The following HPSE2 variants were observed in gnomAD, a reference collection of about 807,000 sequenced individuals.
HPSE2 encodes the protein inactive heparanase-2.
In HPSE2, 38 loss-of-function variants were observed where a neutral mutation model predicts 60.5. The observed-to-expected ratio is 0.63, with a 90% CI of 0.48 to 0.82. HPSE2 has a LOEUF of 0.82. Among genes scored for constraint, HPSE2 ranks in the 40% least tolerant of loss-of-function variants. The pLI is 0.00. For synonymous variants in HPSE2, 295 were observed against 293.2 expected (o/e 1.01, Z -0.06); for missense variants, 713 against 740.4 (o/e 0.96, Z 0.43).
intron 3 of HPSE2, among the ~76,000 whole-genome samples, chr10:98,810,689 C>T (rs1298147684): frequency 6.6e-6 from 1 of 151,810 alleles, no homozygotes; most frequent in Non-Finnish European, 1.5e-5. Flanking sequence ...CCCTGGGCCA[C>T]ACTGGAAGAA....
chr10:99,166,926 T>G (rs1004725073), intron 2 of HPSE2, among the ~76,000 whole-genome samples: 1 of 152,208 alleles, frequency 6.6e-6, no homozygotes, highest in African/African-American at 2.4e-5. Context: ...CAAAATTTTT[T>G]AAATGTTGAC....
chr10:98,895,931 G>A (rs1289853750), intron 3 of HPSE2, among the ~76,000 whole-genome samples: 1 of 105,594 alleles, frequency 9.5e-6, no homozygotes, highest in Non-Finnish European at 1.8e-5. Context: ...TCTGGGGACT[G>A]TTGTGGGGTG....
intron 3 of HPSE2, among the ~76,000 whole-genome samples, chr10:98,990,861 C>G (rs756977319): frequency 1.3e-5 from 2 of 152,158 alleles, no homozygotes; most frequent in Non-Finnish European, 2.9e-5. Flanking sequence ...TTCACATTAC[C>G]TACACATACA....
chr10:99,099,285 C>T (rs974334655), intron 3 of HPSE2, among the ~76,000 whole-genome samples: 5 of 152,238 alleles, frequency 3.3e-5, no homozygotes, highest in African/African-American at 9.6e-5. Context: ...AATCAGGTCA[C>T]TCCCACTCTA....
intron 3 of HPSE2, among the ~76,000 whole-genome samples, chr10:98,847,861 T>G (rs1378051805): frequency 6.6e-6 from 1 of 152,206 alleles, no homozygotes; most frequent in Non-Finnish European, 1.5e-5. Flanking sequence ...CCCTTTACTA[T>G]TTGTGGAAAA....
intron 3 of HPSE2, among the ~76,000 whole-genome samples, chr10:99,036,334 G>A (rs1481533682): frequency 6.6e-6 from 1 of 152,164 alleles, no homozygotes; most frequent in African/African-American, 2.4e-5. Context: ...ATATAGATGA[G>A]CCTGGAGCAT....
chr10:99,151,679 T>C (rs1846269356), intron 2 of HPSE2, among the ~76,000 whole-genome samples: 1 of 152,050 alleles, frequency 6.6e-6, no homozygotes, highest in Non-Finnish European at 1.5e-5. Flanking sequence ...TTTGAAACAA[T>C]GGAGACTAGA....
intron 9 of HPSE2, among the ~76,000 whole-genome samples, chr10:98,573,510 G>A (rs1407017195): frequency 6.6e-5 from 10 of 152,192 alleles, no homozygotes; most frequent in African/African-American, 2.4e-4. Flanking sequence ...AGAATGAAGA[G>A]AACATTTGTT....
chr10:99,236,729 T>G (rs1415495090), upstream of HPSE2, among the ~76,000 whole-genome samples: 1 of 152,100 alleles, frequency 6.6e-6, no homozygotes, highest in Non-Finnish European at 1.5e-5. Flanking sequence ...GCTCTGCTCT[T>G]CCCGCAACCG....
At chr10:99,119,013 GAAAGAAAGAAAGGA>G (rs1272466659) in intron 3 of HPSE2, among the ~76,000 whole-genome samples, 3 of 140,806 alleles carry the variant, frequency 2.1e-5, no homozygotes, top group Non-Finnish European at 3.1e-5. Flanking sequence ...AAAATGAAAA[GAAAGAAAGAAAGGA>G]AAAGAAAGAA....
chr10:99,167,963 T>C (rs1014165601), intron 2 of HPSE2, among the ~76,000 whole-genome samples: 1 of 151,984 alleles, frequency 6.6e-6, no homozygotes, highest in Non-Finnish European at 1.5e-5. Flanking sequence ...ATATTCGTTA[T>C]ACATTTTATT....
At chr10:99,175,330 G>A (rs1266374767) in intron 2 of HPSE2, among the ~76,000 whole-genome samples, 1 of 152,136 alleles carries the variant, frequency 6.6e-6, no homozygotes. Flanking sequence ...CTAGCTCAGT[G>A]GATCCCACCC....
At chr10:98,903,652 T>C (rs983952590) in intron 3 of HPSE2, among the ~76,000 whole-genome samples, 6 of 152,162 alleles carry the variant, frequency 3.9e-5, no homozygotes, top group African/African-American at 1.4e-4. Context: ...CTTTTGTTCT[T>C]GGACTAAAAT....
chr10:98,772,796 C>T (rs563628793), intron 3 of HPSE2, among the ~76,000 whole-genome samples: 1 of 152,238 alleles, frequency 6.6e-6, no homozygotes, highest in Admixed American at 6.5e-5. Flanking sequence ...AAATAATCTT[C>T]CATGTACAAA....
upstream of HPSE2, among the ~76,000 whole-genome samples, chr10:99,239,145 G>C (rs920487762): frequency 6.6e-6 from 1 of 151,922 alleles, no homozygotes; most frequent in Non-Finnish European, 1.5e-5. Context: ...GGTGACAAGA[G>C]CAAGACTCTG....
chr10:98,602,972 G>C (rs1004974965), intron 9 of HPSE2, among the ~76,000 whole-genome samples: 2 of 152,056 alleles, frequency 1.3e-5, no homozygotes, highest in Admixed American at 6.6e-5. Context: ...TGCTTAAAAG[G>C]ACACCATCAA....
Position 98,566,896 on chromosome 10 carries a change from T to C in HPSE2, c.1320+48008A>G, listed in dbSNP as rs1291212740. ...TGGGTGAGAATTATAGAAGGTCAAA[T>C]TCTTCTCAATAAAAGATATTTTTCC... On this transcript the variant is annotated intron_variant, in intron 9 of 11. Transcript: ENST00000370552. 2.0e-5 allele frequency among the ~76,000 whole-genome samples: 3 copies of C among 152,160 alleles called. No homozygotes were observed. The East Asian group carries it at 5.8e-4, about 29-fold the overall frequency.
At chr10:99,081,883 G>A (rs938029895) in intron 3 of HPSE2, among the ~76,000 whole-genome samples, 5 of 152,094 alleles carry the variant, frequency 3.3e-5, no homozygotes, top group East Asian at 1.9e-4. Flanking sequence ...TGATCCGCCC[G>A]CCTGGGCCTC....
chr10:98,695,895 T>C (rs10748749), intron 5 of HPSE2, among the ~76,000 whole-genome samples: 89,933 of 151,874 alleles, frequency 0.59, 27,167 homozygotes, highest in South Asian at 0.78. Flanking sequence ...TCCTGTCACG[T>C]GCTATCCTGT....
Sources: allele counts gnomAD v4.1 joint callset (sites outside exome capture counted in the v4.1 genomes callset), GRCh38; gene constraint gnomAD v4.1.1; transcripts MANE v1.5; gene names NCBI Gene and HGNC (gene_info 2026-07-23, HGNC 2026-07-21).